Variants in CLEC16A observed in about 807,000 individuals in gnomAD.
The protein encoded by CLEC16A is C-type lectin domain containing 16A, also known as protein CLEC16A.
Under a neutral mutation model 109.5 loss-of-function variants are expected in CLEC16A, and 51 were observed. The ratio of observed to expected loss-of-function variants is 0.47; its 90% CI spans 0.37 to 0.59. The LOEUF (loss-of-function observed/expected upper bound fraction) is 0.59, where lower values mean the gene tolerates loss of function less well. Ranked by LOEUF, CLEC16A falls within the 20% of genes least tolerant of loss-of-function variation. The pLI is 0.00. For synonymous variants in CLEC16A, 673 were observed against 564.2 expected (o/e 1.19, Z -2.73); for missense variants, 1,339 against 1,394.0 (o/e 0.96, Z 0.63).
chr16:11,018,377 C>A (rs1338435500), intron 11 of CLEC16A, among the ~76,000 whole-genome samples: 1 of 151,950 alleles, frequency 6.6e-6, no homozygotes, highest in Non-Finnish European at 1.5e-5. Flanking sequence ...ATGATGCACC[C>A]CAGTCACACC....
At chr16:11,177,524 C>T (rs1034393900) in intron 23 of CLEC16A, among the ~76,000 whole-genome samples, 9 of 151,392 alleles carry the variant, frequency 5.9e-5, no homozygotes, top group Admixed American at 4.6e-4. Context: ...CACTTGACCC[C>T]GGGAGGTGGA....
intron 8 of CLEC16A, 27 bp from the exon 9 acceptor site, chr16:10,979,302 T>C (rs199530468): frequency 6.2e-7 from 1 of 1,606,232 alleles, no homozygotes; most frequent in Non-Finnish European, 8.5e-7. Flanking sequence ...CTGATCTCTC[T>C]CTCTCTCTCC....
In CLEC16A at chr16:10,982,894, A is replaced by G. The variant is rs2043406658; in HGVS notation, c.974A>G (p.His325Arg). Reference protein sequence around the residue: ...YLLSQVFLIIHHAPLVNSLAE... With the variant: ...YLLSQVFLIIRHAPLVNSLAE... ...TTCCGCCAGGTCTTCTTAATTATAC[A>G]TCATGCACCGCTGGTGAACTCGTTA... Residue 325 changes from histidine to arginine, a missense_variant, in exon 10 of 24, where the codon CAT (histidine) becomes CGT (arginine). By Grantham distance (29) the His-to-Arg change is conservative. This residue lies in a region of CLEC16A where 1,061 missense variants were observed against 1,006.8 expected (regional missense o/e 1.05). Transcript: ENST00000409790. 18 of 1,603,366 alleles carry G rather than the reference A, an allele frequency of 1.1e-5. No individual in the cohort carries two copies. Among genetic ancestry groups the G allele is most frequent in the African/African-American group, 1.3e-5 (1 of 74,734 alleles).
chr16:11,120,501 C>G, intron 19 of CLEC16A, 114 bp from the exon 20 acceptor site: 1 of 1,140,370 alleles, frequency 8.8e-7, no homozygotes, highest in Non-Finnish European at 1.2e-6. Flanking sequence ...GACTCTAGGC[C>G]TGGGCTCTAA....
chr16:11,018,639 C>G (rs58872631), intron 11 of CLEC16A, among the ~76,000 whole-genome samples: 1 of 151,350 alleles, frequency 6.6e-6, no homozygotes, highest in Non-Finnish European at 1.5e-5. Context: ...GTCCCAGCTA[C>G]TCAGGAGGCT....
intron 13 of CLEC16A, among the ~76,000 whole-genome samples, chr16:11,030,735 C>T (rs763480098): frequency 5.3e-5 from 8 of 152,198 alleles, no homozygotes; most frequent in Admixed American, 2.6e-4. Context: ...ACCTCCGCCT[C>T]CCAGGTTCAA....
intron 3 of CLEC16A, among the ~76,000 whole-genome samples, chr16:10,965,304 A>G (rs188340273): frequency 2.0e-5 from 3 of 152,380 alleles, no homozygotes; most frequent in Admixed American, 1.3e-4. Context: ...GGTGAGGAGG[A>G]TAGAAGACCT....
intron 19 of CLEC16A, chr16:11,070,539 A>C (rs1002343938): frequency 1.3e-5 from 2 of 152,158 alleles, no homozygotes; most frequent in African/African-American, 2.4e-5. Context: ...TTATTGCAGT[A>C]GTCTCTTGCC....
chr16:11,032,138 G>A (rs79690538), intron 13 of CLEC16A, among the ~76,000 whole-genome samples: 1 of 152,166 alleles, frequency 6.6e-6, no homozygotes, highest in Non-Finnish European at 1.5e-5. Flanking sequence ...GAGGACACCC[G>A]GGCTATGGTA....
chr16:11,014,896 G>A (rs978720915), intron 11 of CLEC16A, among the ~76,000 whole-genome samples: 1 of 152,180 alleles, frequency 6.6e-6, no homozygotes, highest in Non-Finnish European at 1.5e-5. Flanking sequence ...GAGGTTCCCT[G>A]TGACCCTGAT....
intron 1 of CLEC16A, among the ~76,000 whole-genome samples, chr16:10,956,423 C>G (rs1198576186): frequency 1.3e-5 from 2 of 152,152 alleles, no homozygotes; most frequent in Non-Finnish European, 2.9e-5. Context: ...CTTGCTCTCA[C>G]CAGACCCCCA....
At chr16:10,963,447 T>A (rs559771943) in intron 3 of CLEC16A, among the ~76,000 whole-genome samples, 1 of 152,296 alleles carries the variant, frequency 6.6e-6, no homozygotes, top group African/African-American at 2.4e-5. Context: ...GCTGGGGGTG[T>A]TTGCAGTTCT....
chr16:11,132,470 T>C (rs149423051), intron 22 of CLEC16A, among the ~76,000 whole-genome samples: 8 of 152,272 alleles, frequency 5.3e-5, no homozygotes, highest in African/African-American at 1.7e-4. Flanking sequence ...CAATGCACAT[T>C]TGGGCTGTGT....
chr16:11,084,635 C>T (rs1048748049), intron 19 of CLEC16A, among the ~76,000 whole-genome samples: 1 of 152,222 alleles, frequency 6.6e-6, no homozygotes. Flanking sequence ...AAGATCAAGA[C>T]TTAATTCGCA....
chr16:11,114,369 A>G (rs1447907440), intron 19 of CLEC16A, among the ~76,000 whole-genome samples: 1 of 152,142 alleles, frequency 6.6e-6, no homozygotes, highest in African/African-American at 2.4e-5. Flanking sequence ...TTCGATGGGC[A>G]GTGAGATCTG....
chr16:10,980,558 G>T (rs1156846200), intron 9 of CLEC16A, among the ~76,000 whole-genome samples: 1 of 152,066 alleles, frequency 6.6e-6, no homozygotes, highest in Non-Finnish European at 1.5e-5. Context: ...AGAGAGCATG[G>T]CCGCCAACTG....
At chr16:11,155,612 G>A (rs1032816001) in intron 22 of CLEC16A, among the ~76,000 whole-genome samples, 3 of 152,216 alleles carry the variant, frequency 2.0e-5, no homozygotes, top group Non-Finnish European at 1.5e-5. Flanking sequence ...CTGTGGCTCC[G>A]CACATACTCC....
intron 22 of CLEC16A, among the ~76,000 whole-genome samples, chr16:11,145,860 C>A (rs2054032205): frequency 6.6e-6 from 1 of 152,212 alleles, no homozygotes; most frequent in Non-Finnish European, 1.5e-5. Context: ...AGATTCTTCG[C>A]TGGCTCCCAT....
chr16:11,061,122 C>T (rs1357641800), intron 19 of CLEC16A, 100 bp downstream of exon 19: 7 of 1,339,154 alleles, frequency 5.2e-6, no homozygotes, highest in South Asian at 1.6e-5. Context: ...CAGTGTGCAA[C>T]CTACATTTTG....
Sources: allele counts gnomAD v4.1 joint callset (sites outside exome capture counted in the v4.1 genomes callset), GRCh38; gene constraint gnomAD v4.1.1; regional missense constraint gnomAD v4.1.1; transcripts MANE v1.5; gene names NCBI Gene and HGNC (gene_info 2026-07-23, HGNC 2026-07-21).